EML4: variants seen among roughly 807,000 people sequenced by gnomAD.
EML4 encodes the protein EMAP like 4, also known as echinoderm microtubule-associated protein-like 4.
Under a neutral mutation model 129.0 loss-of-function variants are expected in EML4, and 72 were observed. The observed-to-expected ratio is 0.56, with a 90% CI of 0.46 to 0.68. EML4 has a LOEUF of 0.68. Ranked by LOEUF, EML4 falls within the 30% of genes least tolerant of loss-of-function variation. The probability of loss-of-function intolerance (pLI) is 0.00; values close to 1 mark genes in which losing one functional copy is unlikely to be tolerated. For synonymous variants in EML4, 532 were observed against 405.0 expected, an observed-to-expected ratio of 1.31 and a Z score of -3.77; for missense variants, 1,363 against 1,190.6, an observed-to-expected ratio of 1.14 and a Z score of -2.13.
chr2:42,282,225 C>T (rs1416065295), intron 7 of EML4, among the ~76,000 whole-genome samples: 1 of 151,572 alleles, frequency 6.6e-6, no homozygotes, highest in Admixed American at 6.6e-5. Flanking sequence ...AGACATAGGG[C>T]CTACATTTTT....
At chr2:42,249,499 G>A (rs1341202929) in intron 2 of EML4, among the ~76,000 whole-genome samples, 2 of 152,262 alleles carry the variant, frequency 1.3e-5, no homozygotes, top group East Asian at 3.9e-4. Context: ...TATTACTGAA[G>A]AGAGCTATTT....
intron 1 of EML4, among the ~76,000 whole-genome samples, chr2:42,172,017 A>T (rs1670312181): frequency 6.6e-6 from 1 of 152,156 alleles, no homozygotes; most frequent in Admixed American, 6.5e-5. Context: ...GAGAGCCATG[A>T]ATATAAAGGC....
chr2:42,214,310 T>A (rs1212840503), intron 1 of EML4, among the ~76,000 whole-genome samples: 1 of 152,230 alleles, frequency 6.6e-6, no homozygotes, highest in Non-Finnish European at 1.5e-5. Flanking sequence ...TGGACTGTTA[T>A]TTGATGCTTA....
intron 1 of EML4, among the ~76,000 whole-genome samples, chr2:42,193,321 C>G (rs2103914757): frequency 6.6e-6 from 1 of 152,326 alleles, no homozygotes; most frequent in Middle Eastern, 3.4e-3. Flanking sequence ...TGATGCATTT[C>G]TCAGAACTGA....
chr2:42,266,391 G>A (rs896179000), intron 6 of EML4, among the ~76,000 whole-genome samples: 4 of 152,082 alleles, frequency 2.6e-5, no homozygotes, highest in Non-Finnish European at 4.4e-5. Flanking sequence ...CTGTTGCCCC[G>A]GCTGGAGTGC....
At chr2:42,240,718 A>G (rs1423232106) in intron 1 of EML4, among the ~76,000 whole-genome samples, 2 of 152,238 alleles carry the variant, frequency 1.3e-5, no homozygotes, top group Non-Finnish European at 2.9e-5. Flanking sequence ...ACTATAGGAT[A>G]GCAACTTACT....
At chr2:42,182,865 G>T (rs1479239080) in intron 1 of EML4, among the ~76,000 whole-genome samples, 1 of 152,130 alleles carries the variant, frequency 6.6e-6, no homozygotes, top group African/African-American at 2.4e-5. Flanking sequence ...GCCATCTTCT[G>T]TGTCCTCATG....
chr2:42,304,271 G>A (rs1668467766), intron 16 of EML4, among the ~76,000 whole-genome samples: 2 of 152,116 alleles, frequency 1.3e-5, no homozygotes, highest in Admixed American at 1.3e-4. Flanking sequence ...GCCACAAGCT[G>A]GTTGTCCCTT....
At chr2:42,300,975 C>T (rs1426860638) in intron 13 of EML4, among the ~76,000 whole-genome samples, 1 of 152,162 alleles carries the variant, frequency 6.6e-6, no homozygotes, top group South Asian at 2.1e-4. Context: ...GTGGAATTAT[C>T]ACTACTTTTG....
intron 1 of EML4, among the ~76,000 whole-genome samples, chr2:42,244,475 G>A (rs999630398): frequency 2.6e-5 from 4 of 152,184 alleles, no homozygotes; most frequent in Non-Finnish European, 5.9e-5. Context: ...ACATAACTTT[G>A]CAAGTCCTTT....
At chr2:42,264,327 A>G (rs1462230399) in intron 5 of EML4, among the ~76,000 whole-genome samples, 1 of 151,954 alleles carries the variant, frequency 6.6e-6, no homozygotes, top group Admixed American at 6.6e-5. Context: ...CATGTTGCCC[A>G]GGCTGGTCTT....
chr2:42,304,399 C>G (rs956391003), intron 16 of EML4, 85 bp from the exon 17 acceptor site: 5 of 894,430 alleles, frequency 5.6e-6, no homozygotes, highest in Non-Finnish European at 9.3e-6. Flanking sequence ...TTGAATGAAA[C>G]AGGTTATTTT....
chr2:42,295,340 T>C (rs200412052), intron 12 of EML4, 41 bp from the exon 13 acceptor site: 12 of 1,605,852 alleles, frequency 7.5e-6, no homozygotes, highest in Non-Finnish European at 9.3e-6. Context: ...CAAGTTGTCA[T>C]GGCAAAAAGA....
At chr2:42,212,003 C>T (rs2104028107) in intron 1 of EML4, among the ~76,000 whole-genome samples, 1 of 152,144 alleles carries the variant, frequency 6.6e-6, no homozygotes, top group African/African-American at 2.4e-5. Flanking sequence ...TGCCACCACG[C>T]CCAGCTAATT....
At chr2:42,221,807 T>C (rs1382653504) in intron 1 of EML4, among the ~76,000 whole-genome samples, 1 of 152,004 alleles carries the variant, frequency 6.6e-6, no homozygotes, top group Non-Finnish European at 1.5e-5. Flanking sequence ...TTTCGTCGTG[T>C]TGGCCAGGCT....
At chr2:42,218,534 A>G (rs2104085935) in intron 1 of EML4, among the ~76,000 whole-genome samples, 1 of 152,198 alleles carries the variant, frequency 6.6e-6, no homozygotes, top group Admixed American at 6.5e-5. Flanking sequence ...AGTATTCCAG[A>G]TATTCTGTAC....
chr2:42,212,134 C>T (rs984912967), intron 1 of EML4, among the ~76,000 whole-genome samples: 1 of 152,120 alleles, frequency 6.6e-6, no homozygotes, highest in African/African-American at 2.4e-5. Context: ...GTGTGAGCTA[C>T]CGTGCCTGAT....
chr2:42,325,162 A>G (rs1455043649), intron 19 of EML4: 6 of 526,434 alleles, frequency 1.1e-5, no homozygotes, highest in South Asian at 8.4e-5. Context: ...AAATAAGGCC[A>G]GAGGGTGTGG....
chr2:42,186,474 A>G (rs975411163), intron 1 of EML4, among the ~76,000 whole-genome samples: 1 of 152,246 alleles, frequency 6.6e-6, no homozygotes, highest in Non-Finnish European at 1.5e-5. Context: ...TAAGAAATGT[A>G]TGAGAAAGTG....
Sources: allele counts gnomAD v4.1 joint callset (sites outside exome capture counted in the v4.1 genomes callset), GRCh38; gene constraint gnomAD v4.1.1; transcripts MANE v1.5; gene names NCBI Gene and HGNC (gene_info 2026-07-23, HGNC 2026-07-21).